Variants in MLLT1 observed in about 807,000 individuals in gnomAD.
MLLT1 encodes the protein MLLT1 super elongation complex subunit.
MLLT1 carries 11 observed loss-of-function variants against 55.1 expected under a neutral mutation model. That is an observed-to-expected ratio of 0.20 (90% confidence interval 0.13 to 0.33). The LOEUF (loss-of-function observed/expected upper bound fraction) is 0.33, where lower values mean the gene tolerates loss of function less well. MLLT1 is among the 10% of genes least tolerant of loss of function. MLLT1 has a pLI of 1.00. For missense variants in MLLT1, 536 were observed against 760.6 expected (o/e 0.70, Z 3.47); for synonymous variants, 323 against 320.1 (o/e 1.01, Z -0.10).
At position 6,253,183 on chromosome 19, in the gene MLLT1, T is replaced by C. The variant is rs914986906; in HGVS notation, c.276+9045A>G. Among the ~76,000 whole-genome samples the C allele has an allele frequency of 3.0e-5, 4 of 135,426 alleles. No individual in the cohort carries two copies. The Admixed American group carries it at 3.6e-4, about 12-fold the overall frequency. The allele number at this position is 135,426 out of a possible 152,430, so 88.8% of individuals were successfully genotyped here. A position where few individuals can be genotyped will look rare whatever the true frequency, so the allele number is the denominator to read the frequency against. The stretch of plus-strand genomic sequence containing the variant: ...GGGAGGCTGAAGCAAGAGAATGGCA[T>C]GAACCCGGGAGGCAGAGCTTGCAGT... On this transcript the variant is annotated intron_variant, in intron 3 of 11. Transcript: ENST00000252674.
rs117602073 is a variant in MLLT1, at chr19:6,227,926, A to G, written c.421-824T>C. Among the ~76,000 whole-genome samples the G allele has an allele frequency of 0.018, 2,707 of 152,162 alleles. 38 individuals carry two copies. Among genetic ancestry groups the G allele is most frequent in the Middle Eastern group, 0.051 (15 of 294 alleles). On this transcript the variant is annotated intron_variant, in intron 4 of 11. Coordinates refer to ENST00000252674, the MANE Select transcript of MLLT1 (RefSeq NM_005934.4). This position sits in a 1 kb window ranked among gnomAD's most constrained non-coding sequence, Gnocchi z 5.1. ...AAGAGAGAACAAAAGAAGAAAATACACTTCAAAAAAAAAGTATTGAAGTCG... is the reference window on the plus strand; with the variant it reads ...AAGAGAGAACAAAAGAAGAAAATACGCTTCAAAAAAAAAGTATTGAAGTCG...
intron 3 of MLLT1, among the ~76,000 whole-genome samples, chr19:6,246,467 C>T (rs2091169887): frequency 6.6e-6 from 1 of 152,188 alleles, no homozygotes; most frequent in Non-Finnish European, 1.5e-5. Flanking sequence ...CAACAAAACA[C>T]GAAGATTCAT....
intron 5 of MLLT1, among the ~76,000 whole-genome samples, chr19:6,224,394 G>T (rs2090933812): frequency 6.6e-6 from 1 of 152,204 alleles, no homozygotes; most frequent in Non-Finnish European, 1.5e-5. Context: ...TGTGGAATGG[G>T]GCTGTGCTCC....
At chr19:6,274,516 G>A (rs1434051390) in intron 1 of MLLT1, among the ~76,000 whole-genome samples, 3 of 152,188 alleles carry the variant, frequency 2.0e-5, no homozygotes, top group African/African-American at 7.2e-5. Context: ...GTCTTAGAGT[G>A]AATAATCTGA....
In MLLT1 at chr19:6,273,870, C is replaced by T. The variant is rs1268837789; in HGVS notation, c.13-3111G>A. ...ATTTCTGATGACAGGGAGTTCCTAC[C>T]CAGGGCACGCAGGCGGCAGAGCAGT... On this transcript the variant is annotated intron_variant, in intron 1 of 11. Transcript: ENST00000252674. This position sits in a 1 kb window ranked among gnomAD's most constrained non-coding sequence, Gnocchi z 4.3. Among the ~76,000 whole-genome samples the T allele has an allele frequency of 2.0e-5, 3 of 152,214 alleles. No individual in the cohort carries two copies. The highest frequency in any genetic ancestry group is 2.0e-4 in the Admixed American group (3 of 15,274).
Position 6,212,015 on chromosome 19 carries a change from G to A in MLLT1, c.*1027C>T, listed in dbSNP as rs369124109. 7.0e-5 allele frequency: 75 copies of A among 1,065,648 alleles called. No individual in the cohort carries two copies. The highest frequency in any genetic ancestry group is 2.7e-4 in the Admixed American group (5 of 18,748). 66.0% of individuals were successfully genotyped at this position (1,065,648 alleles called of 1,614,324 possible). A position where few individuals can be genotyped will look rare whatever the true frequency, so the allele number is the denominator to read the frequency against. Reference sequence around the variant, plus strand: ...CGAGGGGCTGACCAGAGTTCAATGCGCCTCAGAAAACTCCATAAACTATCC... The same window carrying A: ...CGAGGGGCTGACCAGAGTTCAATGCACCTCAGAAAACTCCATAAACTATCC... On this transcript the variant is annotated 3_prime_UTR_variant, in exon 12 of 12. Transcript: ENST00000252674.
chr19:6,230,440 G>A lies in MLLT1; in HGVS notation c.420+130C>T, dbSNP rs1041704358. ...TCCCAGGTCCCCTCCAGCTCTGCTG[G>A]GTGCTGCCGTGTGACCTGCGCCTTG... is the stretch of plus-strand genomic sequence containing the variant. On this transcript the variant is annotated intron_variant, in intron 4 of 11. Transcript: ENST00000252674. This position sits in a 1 kb window ranked among gnomAD's most constrained non-coding sequence, Gnocchi z 9.0. The A allele has an allele frequency of 1.8e-6, 2 of 1,123,396 alleles. No individual in the cohort carries two copies. The highest frequency in any genetic ancestry group is 2.5e-6 in the Non-Finnish European group (2 of 804,316). 69.6% of individuals were successfully genotyped at this position (1,123,396 alleles called of 1,614,324 possible). A position where few individuals can be genotyped will look rare whatever the true frequency, so the allele number is the denominator to read the frequency against.
rs952398020 is a variant in MLLT1 at position 6,240,807 on chromosome 19, C to T, written c.277-10094G>A. Among the ~76,000 whole-genome samples, 3 of 152,032 alleles carry T rather than the reference C, an allele frequency of 2.0e-5. No homozygotes were observed. The highest frequency in any genetic ancestry group is 7.2e-5 in the African/African-American group (3 of 41,380). On this transcript the variant is annotated intron_variant, in intron 3 of 11. Coordinates refer to ENST00000252674, the MANE Select transcript of MLLT1 (RefSeq NM_005934.4). The surrounding 1 kb of genome is among the most constrained non-coding windows in gnomAD (Gnocchi z 4.7). ...TGCGTCCTTCTGTGCTTCGCATTTC[C>T]GATAACCAGAATCAATTCCTGCATC...
intron 2 of MLLT1, among the ~76,000 whole-genome samples, chr19:6,269,300 G>A (rs1431139480): frequency 6.6e-6 from 1 of 152,264 alleles, no homozygotes; most frequent in Non-Finnish European, 1.5e-5. Context: ...GAAGAGGGCT[G>A]TGGCGAGAAG....
intron 1 of MLLT1, among the ~76,000 whole-genome samples, chr19:6,279,091 T>G (rs552709802): frequency 1.1e-4 from 17 of 151,158 alleles, no homozygotes; most frequent in African/African-American, 4.1e-4. Flanking sequence ...CAGGTCCAGG[T>G]AGGGGATGGG....
chr19:6,230,792 C>T lies in MLLT1; in HGVS notation c.277-79G>A. The stretch of plus-strand genomic sequence containing the variant: ...ACACAGCTCCCCATTGGCCCTGGTC[C>T]TCCCCTCTCCCTCACTGGGCCTCTG... On this transcript the variant is annotated intron_variant, in intron 3 of 11. Transcript: ENST00000252674. The surrounding 1 kb of genome is among the most constrained non-coding windows in gnomAD (Gnocchi z 9.0). The T allele has an allele frequency of 2.6e-6, 4 of 1,545,210 alleles. No homozygotes were observed. In the South Asian group the frequency reaches 4.7e-5, roughly 18 times the overall value.
chr19:6,228,588 A>G (rs183256684), intron 4 of MLLT1, among the ~76,000 whole-genome samples: 2 of 152,246 alleles, frequency 1.3e-5, no homozygotes, highest in Admixed American at 6.5e-5. Flanking sequence ...AGCAACCCCC[A>G]GTGAGAGGAG....
At chr19:6,246,168 G>A (rs935989222) in intron 3 of MLLT1, among the ~76,000 whole-genome samples, 4 of 150,728 alleles carry the variant, frequency 2.7e-5, no homozygotes, top group African/African-American at 9.7e-5. Context: ...TTGGAGCAAC[G>A]GGAACTCTTC....
At chr19:6,260,952 T>C (rs2091299747) in intron 3 of MLLT1, among the ~76,000 whole-genome samples, 1 of 152,218 alleles carries the variant, frequency 6.6e-6, no homozygotes, top group South Asian at 2.1e-4. Flanking sequence ...ATACAGATGG[T>C]GGTCCCACAG....
rs2090999665 is a variant in MLLT1 at position 6,230,536 on chromosome 19, G to A, written c.420+34C>T. ...CGCAGCAAAGTAGCCTCGGTGGAGC[G>A]GCCCCTTGGCGGGCAGGGGCGGGGC... On this transcript the variant is annotated intron_variant, in intron 4 of 11. Transcript: ENST00000252674. The surrounding 1 kb of genome is among the most constrained non-coding windows in gnomAD (Gnocchi z 9.0). 7.5e-6 allele frequency: 12 copies of A among 1,608,460 alleles called. No individual in the cohort carries two copies. Among genetic ancestry groups the A allele is most frequent in the East Asian group, 2.2e-5 (1 of 44,830 alleles).
rs781668987 is a variant in MLLT1 at position 6,257,245 on chromosome 19, C to T, written c.276+4983G>A. ...TATCAGGGCTGGGTGCGGCAGCTCACGCCTGTGATCCCAGCTAGTTGGGAG... is the reference window on the plus strand; with the variant it reads ...TATCAGGGCTGGGTGCGGCAGCTCATGCCTGTGATCCCAGCTAGTTGGGAG... On this transcript the variant is annotated intron_variant, in intron 3 of 11. Transcript: ENST00000252674. Among the ~76,000 whole-genome samples the T allele has an allele frequency of 3.3e-5, 5 of 152,240 alleles. 1 individual carries two copies. In the South Asian group the frequency reaches 8.3e-4, roughly 25 times the overall value.
chr19:6,279,541 A>AC (rs1210649315), intron 1 of MLLT1, among the ~76,000 whole-genome samples: 1 of 151,674 alleles, frequency 6.6e-6, no homozygotes, highest in Non-Finnish European at 1.5e-5. Flanking sequence ...GGGGCGTCCC[A>AC]AGGGGCTCCG....
rs567944729 is a variant in MLLT1 at position 6,219,755 on chromosome 19, G to A, written c.1111-1714C>T. Among the ~76,000 whole-genome samples, 44 of 152,290 alleles carry A rather than the reference G, an allele frequency of 2.9e-4. No individual in the cohort carries two copies. The South Asian group carries it at 5.4e-3, about 19-fold the overall frequency. ...AAGGTGGAGAGGGGGCAGTTCAGGC[G>A]GCCAAAGGAGGCTGCACAAGGTCAG... On this transcript the variant is annotated intron_variant, in intron 6 of 11. Coordinates refer to ENST00000252674, the MANE Select transcript of MLLT1 (RefSeq NM_005934.4). The surrounding 1 kb of genome is among the most constrained non-coding windows in gnomAD (Gnocchi z 4.5).
At chr19:6,279,385 G>C (rs546539653) in intron 1 of MLLT1, among the ~76,000 whole-genome samples, 1 of 152,238 alleles carries the variant, frequency 6.6e-6, no homozygotes, top group South Asian at 2.1e-4. Flanking sequence ...CCTGGAAGGA[G>C]CTCTGGGCCA....
Sources: gnomAD v4.1 joint callset for allele counts (sites outside exome capture counted in the v4.1 genomes callset) on GRCh38, gnomAD v4.1.1 for gene constraint, Gnocchi (gnomAD v3.1) non-coding constraint, MANE v1.5 for transcripts, NCBI Gene and HGNC (gene_info 2026-07-23, HGNC 2026-07-21) for gene names.